EYS: variants seen among roughly 807,000 people sequenced by gnomAD.
EYS encodes protein eyes shut homolog.
EYS carries 250 observed loss-of-function variants against 282.1 expected under a neutral mutation model. The ratio of observed to expected loss-of-function variants is 0.89; its 90% CI spans 0.80 to 0.98. The LOEUF (loss-of-function observed/expected upper bound fraction) is 0.98. Ranked by LOEUF, EYS falls within the 50% of genes least tolerant of loss-of-function variation. The pLI is 0.00. For missense variants in EYS, 4,016 were observed against 3,709.0 expected (o/e 1.08, Z -2.15); for synonymous variants, 1,355 against 1,282.9 (o/e 1.06, Z -1.20).
chr6:65,015,218 C>T lies in EYS; in HGVS notation c.2138-17515G>A, dbSNP rs1772002947. On this transcript the variant is annotated intron_variant, in intron 13 of 42. Transcript: ENST00000503581. ...CATTATAGGAAACTAATAAAGAGAG[C>T]AAAAACTGCCAGTTAAATTCTGATA... Among the ~76,000 whole-genome samples the T allele has an allele frequency of 2.6e-5, 4 of 152,204 alleles. No homozygotes were observed. In the South Asian group the frequency reaches 8.3e-4, roughly 32 times the overall value.
intron 12 of EYS, among the ~76,000 whole-genome samples, chr6:65,097,630 G>A (rs1774776529): frequency 6.6e-6 from 1 of 150,784 alleles, no homozygotes; most frequent in South Asian, 2.1e-4. Context: ...ATGGTGGATG[G>A]TGAAACCAAG....
chr6:65,516,041 A>C (rs1767120449), intron 2 of EYS, among the ~76,000 whole-genome samples: 1 of 152,028 alleles, frequency 6.6e-6, no homozygotes, highest in Admixed American at 6.6e-5. Flanking sequence ...ACTGAAAAAT[A>C]TTTATAGAAT....
chr6:64,066,374 C>T lies in EYS; in HGVS notation c.6689G>A (p.Ser2230Asn). 1.3e-6 allele frequency: 2 copies of T among 1,551,594 alleles called. No homozygotes were observed. Among genetic ancestry groups the T allele is most frequent in the Non-Finnish European group, 1.7e-6 (2 of 1,146,774 alleles). ...QNILTVSANY[S>N]INTNAFTPIT... Reference sequence around the variant, plus strand: ...AGGGGTGAATGCATTTGTGTTAATGCTGTAATTAGCAGAAACAGTCAAAAT... The same window carrying T: ...AGGGGTGAATGCATTTGTGTTAATGTTGTAATTAGCAGAAACAGTCAAAAT... The change falls in exon 33 of 43, where the codon AGC becomes AAC. Residue 2230 changes from serine (S) to asparagine (N), a missense_variant. Coordinates refer to ENST00000503581, the MANE Select transcript of EYS (RefSeq NM_001142800.2).
At chr6:64,944,510 C>T (rs1769206468) in intron 15 of EYS, among the ~76,000 whole-genome samples, 1 of 152,032 alleles carries the variant, frequency 6.6e-6, no homozygotes, top group South Asian at 2.1e-4. Flanking sequence ...GGGCACAATG[C>T]ACTGTGGAAA....
At chr6:64,688,581 C>G (rs550074627) in intron 22 of EYS, among the ~76,000 whole-genome samples, 5 of 152,200 alleles carry the variant, frequency 3.3e-5, no homozygotes, top group African/African-American at 7.2e-5. Context: ...GCACTGTGGT[C>G]TGAGAGACAG....
intron 1 of EYS, among the ~76,000 whole-genome samples, chr6:65,669,908 G>A (rs1026481704): frequency 2.6e-5 from 4 of 151,998 alleles, no homozygotes; most frequent in African/African-American, 7.2e-5. Flanking sequence ...TGACAATAAT[G>A]TTTATAACAT....
chr6:63,766,943 A>C (rs540936134), intron 40 of EYS, among the ~76,000 whole-genome samples: 1 of 152,096 alleles, frequency 6.6e-6, no homozygotes, highest in Non-Finnish European at 1.5e-5. Flanking sequence ...CAAATTGATA[A>C]ATTTGATTCA....
intron 5 of EYS, among the ~76,000 whole-genome samples, chr6:65,469,689 A>G (rs1042987333): frequency 6.6e-6 from 1 of 152,198 alleles, no homozygotes; most frequent in East Asian, 1.9e-4. Flanking sequence ...TGCCATTAGT[A>G]CTGGTGAATA....
chr6:64,775,986 T>A (rs1773666559), intron 22 of EYS, among the ~76,000 whole-genome samples: 1 of 152,068 alleles, frequency 6.6e-6, no homozygotes, highest in Non-Finnish European at 1.5e-5. Flanking sequence ...TTTACTATTA[T>A]CAACTTGTAA....
intron 2 of EYS, among the ~76,000 whole-genome samples, chr6:65,580,578 C>G (rs1312166205): frequency 6.6e-6 from 1 of 151,986 alleles, no homozygotes; most frequent in African/African-American, 2.4e-5. Flanking sequence ...TGTAAGTACT[C>G]TACACATTGC....
intron 35 of EYS, among the ~76,000 whole-genome samples, chr6:63,892,117 A>G (rs1035707626): frequency 6.6e-6 from 1 of 152,228 alleles, no homozygotes; most frequent in African/African-American, 2.4e-5. Context: ...ATGCTCATGC[A>G]CGGGAATAAT....
At chr6:64,607,444 C>T (rs931940135) in intron 24 of EYS, among the ~76,000 whole-genome samples, 1 of 152,044 alleles carries the variant, frequency 6.6e-6, no homozygotes, top group Non-Finnish European at 1.5e-5. Flanking sequence ...TGTTTAGTGT[C>T]GGCTTTCTCA....
intron 33 of EYS, among the ~76,000 whole-genome samples, chr6:64,065,164 G>A (rs1218937381): frequency 6.6e-6 from 1 of 152,126 alleles, no homozygotes; most frequent in Non-Finnish European, 1.5e-5. Context: ...ATCTCTGCCT[G>A]TAAGAAGTTT....
At chr6:64,239,791 G>T (rs1259826306) in intron 30 of EYS, among the ~76,000 whole-genome samples, 1 of 152,022 alleles carries the variant, frequency 6.6e-6, no homozygotes, top group Non-Finnish European at 1.5e-5. Context: ...AGCTTTTGTT[G>T]CTGTTGCTTT....
rs1026377754 is a variant in EYS at position 65,682,469 on chromosome 6, T to C, written c.-448+24666A>G. On this transcript the variant is annotated intron_variant, in intron 1 of 42. Transcript: ENST00000503581. ...TATATAAGAGTTAATACTTACATAA[T>C]AAATGTTTGTTCATTTGGTATATTA... 3.0e-4 allele frequency among the ~76,000 whole-genome samples: 45 copies of C among 151,956 alleles called. 1 individual carries two copies. Among genetic ancestry groups the C allele is most frequent in the Non-Finnish European group, 7.4e-5 (5 of 67,932 alleles).
intron 37 of EYS, among the ~76,000 whole-genome samples, chr6:63,794,666 C>T (rs1400226096): frequency 6.6e-6 from 1 of 152,166 alleles, no homozygotes; most frequent in Admixed American, 6.6e-5. Flanking sequence ...AAACATTGTT[C>T]TATGAGTAGC....
intron 15 of EYS, among the ~76,000 whole-genome samples, chr6:64,936,105 G>A (rs559305580): frequency 2.0e-5 from 3 of 151,406 alleles, no homozygotes; most frequent in Admixed American, 6.6e-5. Context: ...TGACCAATTG[G>A]GACATATATT....
chr6:64,440,828 T>A (rs1032618461), intron 26 of EYS, among the ~76,000 whole-genome samples: 1 of 152,080 alleles, frequency 6.6e-6, no homozygotes, highest in African/African-American at 2.4e-5. Context: ...TTAAAAAAAA[T>A]TACATACAGG....
At chr6:64,596,428 A>G (rs1766589659) in intron 24 of EYS, among the ~76,000 whole-genome samples, 1 of 152,208 alleles carries the variant, frequency 6.6e-6, no homozygotes, top group South Asian at 2.1e-4. Flanking sequence ...TAAAAAGAAC[A>G]AAGCTGGAAG....
Sources: gnomAD v4.1 joint callset for allele counts (sites outside exome capture counted in the v4.1 genomes callset) on GRCh38, gnomAD v4.1.1 for gene constraint, MANE v1.5 for transcripts, NCBI Gene and HGNC (gene_info 2026-07-23, HGNC 2026-07-21) for gene names.